Variants in ROR2 observed in about 807,000 individuals in gnomAD.
ROR2 encodes ROR family WNT receptor 2, also known as tyrosine-protein kinase transmembrane receptor ROR2.
Under a neutral mutation model 74.9 loss-of-function variants are expected in ROR2, and 33 were observed. That is an observed-to-expected ratio of 0.44 (90% CI 0.33 to 0.59). The LOEUF (loss-of-function observed/expected upper bound fraction) is 0.59. ROR2 is among the 20% of genes least tolerant of loss of function. The pLI, the probability that ROR2 is intolerant of heterozygous loss-of-function variation, is 0.02. For synonymous variants in ROR2, 586 were observed against 558.7 expected, an observed-to-expected ratio of 1.05 and a Z score of -0.69; for missense variants, 1,216 against 1,313.8, an observed-to-expected ratio of 0.93 and a Z score of 1.15.
At chr9:91,900,355 A>G (rs1830641810) in intron 1 of ROR2, among the ~76,000 whole-genome samples, 1 of 152,334 alleles carries the variant, frequency 6.6e-6, no homozygotes, top group Non-Finnish European at 1.5e-5. Context: ...CAAGATGGTC[A>G]ATGACAGCGG....
chr9:91,897,146 G>T (rs760363899), intron 1 of ROR2, among the ~76,000 whole-genome samples: 1 of 152,234 alleles, frequency 6.6e-6, no homozygotes, highest in Non-Finnish European at 1.5e-5. Flanking sequence ...TCCCCACACA[G>T]CACTGTGATC....
intron 1 of ROR2, among the ~76,000 whole-genome samples, chr9:91,879,783 T>C (rs1370368174): frequency 6.6e-6 from 1 of 152,060 alleles, no homozygotes; most frequent in African/African-American, 2.4e-5. Flanking sequence ...CACCTCATCG[T>C]GTATCTAGAC....
intron 1 of ROR2, among the ~76,000 whole-genome samples, chr9:91,894,843 T>C (rs1281190352): frequency 2.0e-5 from 3 of 152,194 alleles, no homozygotes; most frequent in Non-Finnish European, 4.4e-5. Flanking sequence ...GAATGCAAAA[T>C]GGTACGGCCA....
intron 4 of ROR2, 29 bp downstream of exon 4, chr9:91,756,042 A>C: frequency 6.2e-7 from 1 of 1,611,666 alleles, no homozygotes; most frequent in Non-Finnish European, 8.5e-7. Flanking sequence ...AGAGCAGCAG[A>C]ACACGGCTTG....
intron 1 of ROR2, among the ~76,000 whole-genome samples, chr9:91,786,579 T>C (rs1425923642): frequency 6.6e-6 from 1 of 151,972 alleles, no homozygotes; most frequent in Non-Finnish European, 1.5e-5. Flanking sequence ...AGCTCAATGG[T>C]GAAGTAGCCA....
chr9:91,933,075 G>A (rs1338219701), intron 1 of ROR2, among the ~76,000 whole-genome samples: 1 of 152,174 alleles, frequency 6.6e-6, no homozygotes, highest in Non-Finnish European at 1.5e-5. Flanking sequence ...CACTTTGGAA[G>A]GCCAAGGCAG....
intron 4 of ROR2, among the ~76,000 whole-genome samples, chr9:91,755,010 G>A (rs771978341): frequency 2.0e-5 from 3 of 152,064 alleles, no homozygotes; most frequent in South Asian, 2.1e-4. Context: ...AAAATTATCC[G>A]GGTGTGTGGT....
intron 1 of ROR2, among the ~76,000 whole-genome samples, chr9:91,829,783 T>C (rs1168428613): frequency 6.6e-6 from 1 of 152,154 alleles, no homozygotes; most frequent in Non-Finnish European, 1.5e-5. Context: ...TGTTCATTAA[T>C]GGAAACATTA....
At chr9:91,757,688 T>C in intron 2 of ROR2, 129 bp from the exon 3 acceptor site, 2 of 941,292 alleles carry the variant, frequency 2.1e-6, no homozygotes, top group Admixed American at 2.1e-5. Flanking sequence ...AATAGGTTGT[T>C]ATCTGCGGTA....
chr9:91,805,846 A>G (rs1827530108), intron 1 of ROR2, among the ~76,000 whole-genome samples: 1 of 152,196 alleles, frequency 6.6e-6, no homozygotes, highest in Non-Finnish European at 1.5e-5. Flanking sequence ...TGCCCTCCCC[A>G]TGAGGGTGCA....
At chr9:91,920,549 G>A (rs1831236731) in intron 1 of ROR2, among the ~76,000 whole-genome samples, 1 of 152,198 alleles carries the variant, frequency 6.6e-6, no homozygotes, top group African/African-American at 2.4e-5. Context: ...CCTGCCCACA[G>A]GAGACATTCA....
At chr9:91,940,176 C>A (rs928505770) in intron 1 of ROR2, among the ~76,000 whole-genome samples, 1 of 152,224 alleles carries the variant, frequency 6.6e-6, no homozygotes, top group Non-Finnish European at 1.5e-5. Context: ...AAGGCCATTT[C>A]CAGCAGGGCT....
chr9:91,818,238 A>G (rs1828009895), intron 1 of ROR2, among the ~76,000 whole-genome samples: 1 of 152,204 alleles, frequency 6.6e-6, no homozygotes, highest in Non-Finnish European at 1.5e-5. Flanking sequence ...TGTGTCACAG[A>G]ACTGCAAATT....
intron 4 of ROR2, among the ~76,000 whole-genome samples, chr9:91,746,015 A>G (rs1825399415): frequency 6.6e-6 from 1 of 152,258 alleles, no homozygotes; most frequent in African/African-American, 2.4e-5. Context: ...CAAATGCCAA[A>G]TGTCAGCCTT....
chr9:91,801,138 A>G (rs893126575), intron 1 of ROR2, among the ~76,000 whole-genome samples: 7 of 151,848 alleles, frequency 4.6e-5, no homozygotes, highest in Non-Finnish European at 1.0e-4. Flanking sequence ...AGCATGGAGG[A>G]GTTTAATTGG....
chr9:91,790,795 T>C (rs553856015), intron 1 of ROR2, among the ~76,000 whole-genome samples: 22 of 152,266 alleles, frequency 1.4e-4, no homozygotes, highest in African/African-American at 5.3e-4. Context: ...GACAGTGATA[T>C]GGATGGTATG....
At chr9:91,871,284 T>C (rs974990994) in intron 1 of ROR2, among the ~76,000 whole-genome samples, 6 of 152,256 alleles carry the variant, frequency 3.9e-5, no homozygotes, top group Non-Finnish European at 5.9e-5. Flanking sequence ...TGTCTTCCTC[T>C]ATCTAAACCA....
At chr9:91,946,252 T>G (rs553405184) in intron 1 of ROR2, among the ~76,000 whole-genome samples, 1 of 152,052 alleles carries the variant, frequency 6.6e-6, no homozygotes, top group Non-Finnish European at 1.5e-5. Flanking sequence ...AAACCTTACA[T>G]GCTTGGTATT....
rs575629363 is a variant in ROR2 at position 91,763,087 on chromosome 9, C to T, written c.176-5528G>A. On this transcript the variant is annotated intron_variant, in intron 2 of 8. Transcript: ENST00000375708. ...TAACACAGGAACAAAACCCCAAATA[C>T]CTCATGTTCTCACTTATAAGTGGGA... 5.3e-5 allele frequency among the ~76,000 whole-genome samples: 8 copies of T among 152,258 alleles called. No individual in the cohort carries two copies. The South Asian group carries it at 1.0e-3, about 20-fold the overall frequency.
Sources: allele counts gnomAD v4.1 joint callset (sites outside exome capture counted in the v4.1 genomes callset), GRCh38; gene constraint gnomAD v4.1.1; transcripts MANE v1.5; gene names NCBI Gene and HGNC (gene_info 2026-07-23, HGNC 2026-07-21).